Variants in KCNH8 observed in about 807,000 individuals in gnomAD.
KCNH8 encodes the protein voltage-gated delayed rectifier potassium channel KCNH8.
KCNH8 carries 70 observed loss-of-function variants against 103.6 expected under a neutral mutation model. The observed-to-expected ratio is 0.68, with a 90% confidence interval of 0.56 to 0.82. The LOEUF (loss-of-function observed/expected upper bound fraction) is 0.82. KCNH8 is among the 40% of genes least tolerant of loss of function. KCNH8 has a pLI of 0.00. For synonymous variants in KCNH8, 498 were observed against 489.4 expected, an observed-to-expected ratio of 1.02 and a Z score of -0.23; for missense variants, 1,217 against 1,329.9, an observed-to-expected ratio of 0.92 and a Z score of 1.32.
intron 10 of KCNH8, among the ~76,000 whole-genome samples, chr3:19,455,398 C>T (rs954761829): frequency 6.6e-6 from 1 of 152,180 alleles, no homozygotes; most frequent in South Asian, 2.1e-4. Flanking sequence ...CATCCCATCA[C>T]CTTATGTTTT....
chr3:19,342,830 A>G, intron 4 of KCNH8, 116 bp downstream of exon 4: 1 of 1,046,358 alleles, frequency 9.6e-7, no homozygotes, highest in Non-Finnish European at 1.4e-6. Context: ...TTTTTTTTCC[A>G]CTTTGGTTTG....
At chr3:19,175,487 G>T (rs919740201) in intron 1 of KCNH8, among the ~76,000 whole-genome samples, 5 of 152,260 alleles carry the variant, frequency 3.3e-5, no homozygotes, top group African/African-American at 9.6e-5. Context: ...AGGATTACAG[G>T]CGTGAGCCCC....
intron 1 of KCNH8, among the ~76,000 whole-genome samples, chr3:19,220,209 G>A (rs2063858915): frequency 6.6e-6 from 1 of 152,162 alleles, no homozygotes; most frequent in Non-Finnish European, 1.5e-5. Context: ...CTGGCGCCCA[G>A]CATAGATGCT....
At chr3:19,292,260 T>C (rs992641492) in intron 3 of KCNH8, among the ~76,000 whole-genome samples, 1 of 152,198 alleles carries the variant, frequency 6.6e-6, no homozygotes, top group South Asian at 2.1e-4. Context: ...GGGATTTCAA[T>C]TACAATTTCT....
intron 1 of KCNH8, among the ~76,000 whole-genome samples, chr3:19,166,925 T>G (rs1345739274): frequency 6.6e-6 from 1 of 152,204 alleles, no homozygotes; most frequent in African/African-American, 2.4e-5. Context: ...ATAGAAGGAT[T>G]GCAGCTCTGT....
chr3:19,260,117 A>T (rs112259928), intron 2 of KCNH8, among the ~76,000 whole-genome samples: 20 of 151,816 alleles, frequency 1.3e-4, no homozygotes, highest in African/African-American at 4.6e-4. Flanking sequence ...AGCCATCAAC[A>T]TGTCTAAAGG....
chr3:19,369,561 C>A (rs1010639416), intron 5 of KCNH8, among the ~76,000 whole-genome samples: 5 of 152,030 alleles, frequency 3.3e-5, no homozygotes, highest in East Asian at 1.9e-4. Flanking sequence ...GAGCCTGATT[C>A]ATTCACTAAA....
At chr3:19,188,745 A>G (rs2063525219) in intron 1 of KCNH8, among the ~76,000 whole-genome samples, 1 of 152,016 alleles carries the variant, frequency 6.6e-6, no homozygotes, top group African/African-American at 2.4e-5. Context: ...AAGCTTTTTT[A>G]AAAAATAAAT....
chr3:19,151,433 T>C (rs2063128615), intron 1 of KCNH8, among the ~76,000 whole-genome samples: 1 of 151,682 alleles, frequency 6.6e-6, no homozygotes, highest in African/African-American at 2.4e-5. Flanking sequence ...AGTTTCTTAT[T>C]TTATTTTGGA....
chr3:19,518,843 C>T (rs1054607415), intron 15 of KCNH8, among the ~76,000 whole-genome samples: 2 of 151,938 alleles, frequency 1.3e-5, no homozygotes, highest in Non-Finnish European at 2.9e-5. Flanking sequence ...AAATAAGATA[C>T]TTTCTTGATT....
intron 8 of KCNH8, among the ~76,000 whole-genome samples, chr3:19,440,513 G>A (rs970955691): frequency 6.6e-6 from 1 of 152,118 alleles, no homozygotes; most frequent in African/African-American, 2.4e-5. Flanking sequence ...GCACGTGCAG[G>A]GGAACTGCCC....
At chr3:19,504,228 A>G (rs2068648465) in intron 11 of KCNH8, among the ~76,000 whole-genome samples, 1 of 152,230 alleles carries the variant, frequency 6.6e-6, no homozygotes, top group African/African-American at 2.4e-5. Flanking sequence ...CCACAAGTGT[A>G]AAAACCCTGG....
chr3:19,394,378 A>G (rs2066483112), intron 6 of KCNH8, among the ~76,000 whole-genome samples: 1 of 152,034 alleles, frequency 6.6e-6, no homozygotes, highest in Non-Finnish European at 1.5e-5. Flanking sequence ...CCCCTCAGCT[A>G]CAAGTCTACT....
At chr3:19,219,418 T>C (rs1430112626) in intron 1 of KCNH8, among the ~76,000 whole-genome samples, 1 of 151,974 alleles carries the variant, frequency 6.6e-6, no homozygotes, top group Non-Finnish European at 1.5e-5. Flanking sequence ...CTCTGAGGGG[T>C]CTTTGTCTTT....
intron 3 of KCNH8, among the ~76,000 whole-genome samples, chr3:19,285,067 G>T (rs2064813105): frequency 6.6e-6 from 1 of 151,722 alleles, no homozygotes; most frequent in Non-Finnish European, 1.5e-5. Flanking sequence ...GGTTGGAGTG[G>T]TTCAGAGGGA....
At chr3:19,343,765 C>A (rs558366175) in intron 4 of KCNH8, among the ~76,000 whole-genome samples, 1 of 152,180 alleles carries the variant, frequency 6.6e-6, no homozygotes, top group African/African-American at 2.4e-5. Flanking sequence ...CAGGACCATT[C>A]ATCAGACATA....
chr3:19,294,811 T>C (rs1028107871), intron 3 of KCNH8, among the ~76,000 whole-genome samples: 1 of 152,142 alleles, frequency 6.6e-6, no homozygotes, highest in Admixed American at 6.6e-5. Flanking sequence ...ATAATAGTCA[T>C]GGCATGCTTC....
intron 5 of KCNH8, among the ~76,000 whole-genome samples, chr3:19,372,170 T>G (rs1195061802): frequency 2.0e-5 from 3 of 152,120 alleles, no homozygotes; most frequent in East Asian, 1.9e-4. Context: ...TAGCTTGATG[T>G]GGATGGCACT....
In KCNH8 at chr3:19,173,787, T is replaced by C. The variant is rs530591774; in HGVS notation, c.76+24992T>C. On this transcript the variant is annotated intron_variant, in intron 1 of 15. Transcript: ENST00000328405. ...ACATAACAAAGGAGTTATAACTGAT[T>C]CTCTTGATTATTGCATATTCTACAT... Among the ~76,000 whole-genome samples the C allele has an allele frequency of 1.1e-3, 161 of 152,250 alleles. 1 individual carries two copies. The highest frequency in any genetic ancestry group is 1.5e-3 in the Non-Finnish European group (100 of 68,022).
Sources: allele counts gnomAD v4.1 joint callset (sites outside exome capture counted in the v4.1 genomes callset), GRCh38; gene constraint gnomAD v4.1.1; transcripts MANE v1.5; gene names NCBI Gene and HGNC (gene_info 2026-07-23, HGNC 2026-07-21).